G6PC1: variants seen among roughly 807,000 people sequenced by gnomAD.
The protein encoded by G6PC1 is glucose-6-phosphatase catalytic subunit 1.
A neutral mutation model predicts 30.4 loss-of-function variants in G6PC1; 23 were observed. That is an observed-to-expected ratio of 0.76 (90% CI 0.55 to 1.07). The LOEUF (loss-of-function observed/expected upper bound fraction) is 1.07, where lower values mean the gene tolerates loss of function less well. G6PC1 is among the 50% of genes least tolerant of loss of function. G6PC1 has a pLI of 0.00. For synonymous variants in G6PC1, 163 were observed against 175.6 expected (o/e 0.93, Z 0.57); for missense variants, 391 against 433.9 (o/e 0.90, Z 0.88).
At position 42,911,471 on chromosome 17, in the gene G6PC1, G is replaced by A; in HGVS notation, c.*45G>A. 2.5e-6 allele frequency: 4 copies of A among 1,613,058 alleles called. No homozygotes were observed. Among genetic ancestry groups the A allele is most frequent in the Non-Finnish European group, 3.4e-6 (4 of 1,179,826 alleles). On this transcript the variant is annotated 3_prime_UTR_variant, in exon 5 of 5. Coordinates refer to ENST00000253801, the MANE Select transcript of G6PC1 (RefSeq NM_000151.4). The stretch of plus-strand genomic sequence containing the variant: ...GTTTAAAGTCAACAACCATGCCAGG[G>A]ATTGAGGAGGACTACTATTTGAAGC...
rs886052965 is a variant in G6PC1, at chr17:42,913,945, G to T, written c.*2519G>T. 6.6e-6 allele frequency among the ~76,000 whole-genome samples: 1 copy of T among 152,150 alleles called. No homozygotes were observed. The highest frequency in any genetic ancestry group is 1.5e-5 in the Non-Finnish European group (1 of 68,028). On this transcript the variant is annotated 3_prime_UTR_variant, in exon 5 of 5. Transcript: ENST00000253801. ...TCATCACCGTATCAATGGATTTCCT[G>T]AGGGTAAGCTCCGCTATTTCACACC...
At chr17:42,909,853 A>G (rs1032743423) in intron 4 of G6PC1, among the ~76,000 whole-genome samples, 2 of 151,680 alleles carry the variant, frequency 1.3e-5, no homozygotes, top group African/African-American at 4.8e-5. Context: ...CAGAGTTTTG[A>G]ATATGTTTTT....
chr17:42,906,630 C>G (rs1174140071), intron 2 of G6PC1, among the ~76,000 whole-genome samples: 1 of 152,168 alleles, frequency 6.6e-6, no homozygotes, highest in African/African-American at 2.4e-5. Flanking sequence ...ATAATCCCAA[C>G]ACTTTGGGAG....
At chr17:42,905,493 G>T (rs2056055623) in intron 2 of G6PC1, among the ~76,000 whole-genome samples, 2 of 110,142 alleles carry the variant, frequency 1.8e-5, no homozygotes, top group African/African-American at 3.7e-5. Flanking sequence ...ACTAGAAAAT[G>T]ATTGTTTATA....
Position 42,910,967 on chromosome 17 carries a change from C to T in G6PC1, c.615C>T (p.Ser205=), listed in dbSNP as rs374522795. 246 of 1,614,080 alleles carry T rather than the reference C, an allele frequency of 1.5e-4. 3 individuals are homozygous for T. The South Asian group carries it at 2.5e-3, about 16-fold the overall frequency. Residue 205 remains serine, a synonymous_variant, in exon 5 of 5, where the codon AGC becomes AGT. Coordinates refer to ENST00000253801, the MANE Select transcript of G6PC1 (RefSeq NM_000151.4). ...ACATCCACAGCATCTATAATGCCAGCCTCAAGAAATATTTTCTCATTACCT... is the reference window on the plus strand; with the variant it reads ...ACATCCACAGCATCTATAATGCCAGTCTCAAGAAATATTTTCTCATTACCT... ...FSHIHSIYNA[S]LKKYFLITFF...
chr17:42,906,846 T>C (rs1428065616), intron 2 of G6PC1, among the ~76,000 whole-genome samples: 1 of 151,916 alleles, frequency 6.6e-6, no homozygotes, highest in South Asian at 2.1e-4. Flanking sequence ...TGGCACTGCA[T>C]TGCAGCCTAG....
chr17:42,906,173 C>CT (rs1229359309), intron 2 of G6PC1, among the ~76,000 whole-genome samples: 2 of 151,820 alleles, frequency 1.3e-5, no homozygotes, highest in Admixed American at 6.6e-5. Flanking sequence ...GGAAGAAAGC[C>CT]TTTATTTATC....
chr17:42,911,090 G>A lies in G6PC1; in HGVS notation c.738G>A (p.Glu246=). The A allele has an allele frequency of 6.2e-7, 1 of 1,614,170 alleles. No individual in the cohort carries two copies. Among genetic ancestry groups the A allele is most frequent in the Non-Finnish European group, 8.5e-7 (1 of 1,180,026 alleles). The change falls in exon 5 of 5, where the codon GAG becomes GAA. Residue 246 remains glutamate, a synonymous_variant. Coordinates refer to ENST00000253801, the MANE Select transcript of G6PC1 (RefSeq NM_000151.4). ...WTLEKAQRWC[E]QPEWVHIDTT... ...TGGAGAAAGCCCAGAGGTGGTGCGAGCAGCCAGAATGGGTCCACATTGACA... is the reference window on the plus strand; with the variant it reads ...TGGAGAAAGCCCAGAGGTGGTGCGAACAGCCAGAATGGGTCCACATTGACA...
rs532423062 is a variant in G6PC1, at chr17:42,911,356, T to C, written c.1004T>C (p.Leu335Pro). 1 of 1,614,204 alleles carries C rather than the reference T, an allele frequency of 6.2e-7. No individual in the cohort carries two copies. Among genetic ancestry groups the C allele is most frequent in the African/African-American group, 1.3e-5 (1 of 75,054 alleles). Residue 335 changes from leucine to proline, a missense_variant, in exon 5 of 5, where the codon CTG (leucine) becomes CCG (proline). Physicochemically the swap from Leu to Pro is moderately conservative, Grantham distance 98 (BLOSUM62 -3). Coordinates refer to ENST00000253801, the MANE Select transcript of G6PC1 (RefSeq NM_000151.4). ...TTCTGCAAGAGTGCGGTAGTGCCCC[T>C]GGCATCCGTCAGTGTCATCCCCTAC... ...LSFCKSAVVP[L>P]ASVSVIPYCL...
rs143802152 is a variant in G6PC1 at position 42,911,676 on chromosome 17, G to A, written c.*250G>A. On this transcript the variant is annotated 3_prime_UTR_variant, in exon 5 of 5. Coordinates refer to ENST00000253801, the MANE Select transcript of G6PC1 (RefSeq NM_000151.4). The stretch of plus-strand genomic sequence containing the variant: ...CACGTACACCATATGCAAGTTTCCC[G>A]CCAGGAGGTCCTCCTCTCTCTACTT... 3.2e-3 allele frequency: 1,740 copies of A among 551,112 alleles called. 17 individuals are homozygous for A. The highest frequency in any genetic ancestry group is 0.025 in the African/African-American group (1,336 of 52,800). 34.1% of individuals were successfully genotyped at this position (551,112 alleles called of 1,614,324 possible).
At position 42,909,867 on chromosome 17, in the gene G6PC1, T is replaced by G. The variant is rs542266193; in HGVS notation, c.562+449T>G. On this transcript the variant is annotated intron_variant, in intron 4 of 4. Transcript: ENST00000253801. Reference sequence around the variant, plus strand: ...TCAGAGTTTTGAATATGTTTTTTTTTGTTTTTTTTTTTTGAGATGGAGTCT... The same window carrying G: ...TCAGAGTTTTGAATATGTTTTTTTTGGTTTTTTTTTTTTGAGATGGAGTCT... Among the ~76,000 whole-genome samples, 13 of 151,516 alleles carry G rather than the reference T, an allele frequency of 8.6e-5. No individual in the cohort carries two copies. In the East Asian group the frequency reaches 2.5e-3, roughly 29 times the overall value.
rs1028924207 is a variant in G6PC1 at position 42,913,724 on chromosome 17, TG to T, written c.*2299del. 6.6e-6 allele frequency among the ~76,000 whole-genome samples: 1 copy of T among 152,152 alleles called. No individual in the cohort carries two copies. The highest frequency in any genetic ancestry group is 1.5e-5 in the Non-Finnish European group (1 of 68,024). ...AATTAAGCAATCAGGGCACACAAGT[TG>T]CAGTAACACAACAAGACTAGGCCAG... On this transcript the variant is annotated 3_prime_UTR_variant, in exon 5 of 5. Transcript: ENST00000253801.
At position 42,901,150 on chromosome 17, in the gene G6PC1, C is replaced by T. The variant is rs376062202; in HGVS notation, c.230+44C>T. On this transcript the variant is annotated intron_variant, in intron 1 of 4. Coordinates refer to ENST00000253801, the MANE Select transcript of G6PC1 (RefSeq NM_000151.4). ...GGAGATCAGCAAGAAAAGAGGCTGG[C>T]ATTCGCTCTCGCAATGTCTGTCCAT... 31 of 1,524,110 alleles carry T rather than the reference C, an allele frequency of 2.0e-5. No individual in the cohort carries two copies. In the African/African-American group the frequency reaches 2.6e-4, roughly 13 times the overall value. The allele number at this position is 1,524,110 out of a possible 1,614,324, so 94.4% of individuals were successfully genotyped here. A position where few individuals can be genotyped will look rare whatever the true frequency, so the allele number is the denominator to read the frequency against.
Position 42,913,201 on chromosome 17 carries a change from T to A in G6PC1, c.*1775T>A, listed in dbSNP as rs1171660697. ...CTGAAGCCTATTTATTTGAAAGTCC[T>A]TGTTTTTGCTACTAATTATATAGTA... On this transcript the variant is annotated 3_prime_UTR_variant, in exon 5 of 5. Transcript: ENST00000253801. 1 of 152,212 alleles carries A rather than the reference T, an allele frequency of 6.6e-6. No individual in the cohort carries two copies. The highest frequency in any genetic ancestry group is 1.9e-4 in the East Asian group (1 of 5,198). 9.4% of individuals were successfully genotyped at this position (152,212 alleles called of 1,614,324 possible).
intron 2 of G6PC1, 105 bp from the exon 3 acceptor site, chr17:42,907,418 G>A: frequency 1.3e-6 from 1 of 749,504 alleles, no homozygotes; most frequent in Admixed American, 2.0e-5. Context: ...GGATGAATGG[G>A]TAGATGGGTG....
chr17:42,909,162 A>G, intron 3 of G6PC1, 141 bp from the exon 4 acceptor site: 1 of 772,434 alleles, frequency 1.3e-6, no homozygotes, highest in East Asian at 2.4e-5. Context: ...GCATCTTTGG[A>G]CTTTTGAGTA....
chr17:42,901,157 T>C (rs1362073653), intron 1 of G6PC1, 51 bp downstream of exon 1: 1 of 1,466,848 alleles, frequency 6.8e-7, no homozygotes, highest in East Asian at 2.3e-5. Context: ...TGGCATTCGC[T>C]CTCGCAATGT....
rs2056113824 is a variant in G6PC1 at position 42,914,396 on chromosome 17, A to G, written c.*2970A>G. On this transcript the variant is annotated 3_prime_UTR_variant, in exon 5 of 5. Coordinates refer to ENST00000253801, the MANE Select transcript of G6PC1 (RefSeq NM_000151.4). ...CCCTGAAGTTTATGAGGTTGATAAGAAAACATAACAGATAAAGTTTATTGA... is the reference window on the plus strand; with the variant it reads ...CCCTGAAGTTTATGAGGTTGATAAGGAAACATAACAGATAAAGTTTATTGA... Among the ~76,000 whole-genome samples, 1 of 152,224 alleles carries G rather than the reference A, an allele frequency of 6.6e-6. No homozygotes were observed. The highest frequency in any genetic ancestry group is 1.5e-5 in the Non-Finnish European group (1 of 68,034).
In G6PC1 at chr17:42,911,094, C is replaced by T; in HGVS notation, c.742C>T (p.Pro248Ser). Reference protein sequence around the residue: ...LEKAQRWCEQPEWVHIDTTPF... With the variant: ...LEKAQRWCEQSEWVHIDTTPF... ...GAAAGCCCAGAGGTGGTGCGAGCAG[C>T]CAGAATGGGTCCACATTGACACCAC... The change falls in exon 5 of 5, where the codon CCA (proline) becomes TCA (serine). Residue 248 changes from proline (P) to serine (S), a missense_variant. Pro to Ser is a moderately conservative substitution (Grantham distance 74). Coordinates refer to ENST00000253801, the MANE Select transcript of G6PC1 (RefSeq NM_000151.4). 6.2e-7 allele frequency: 1 copy of T among 1,614,124 alleles called. No individual in the cohort carries two copies. Among genetic ancestry groups the T allele is most frequent in the Non-Finnish European group, 8.5e-7 (1 of 1,180,026 alleles).
Sources: gnomAD v4.1 joint callset for allele counts (sites outside exome capture counted in the v4.1 genomes callset) on GRCh38, gnomAD v4.1.1 for gene constraint, MANE v1.5 for transcripts, NCBI Gene and HGNC (gene_info 2026-07-23, HGNC 2026-07-21) for gene names.